LCN12: variants seen among roughly 807,000 people sequenced by gnomAD.
LCN12 encodes epididymal-specific lipocalin-12.
Under a neutral mutation model 23.7 loss-of-function variants are expected in LCN12, and 15 were observed. The ratio of observed to expected loss-of-function variants is 0.63; its 90% CI spans 0.42 to 0.97. LCN12 has a LOEUF of 0.97. Ranked by LOEUF, LCN12 falls within the 50% of genes least tolerant of loss-of-function variation. The pLI, the probability that LCN12 is intolerant of heterozygous loss-of-function variation, is 0.00. For synonymous variants in LCN12, 116 were observed against 111.5 expected, an observed-to-expected ratio of 1.04 and a Z score of -0.25; for missense variants, 219 against 249.6, an observed-to-expected ratio of 0.88 and a Z score of 0.83.
chr9:136,956,522 C>T (rs776456358), downstream of LCN12, among the ~76,000 whole-genome samples: 1 of 152,272 alleles, frequency 6.6e-6, no homozygotes, highest in Non-Finnish European at 1.5e-5. Flanking sequence ...GTGGTGCTTA[C>T]TGCAGCCACA....
intron 5 of LCN12, 197 bp from the exon 6 acceptor site, chr9:136,955,174 T>C: frequency 7.8e-6 from 11 of 1,418,516 alleles, no homozygotes; most frequent in Non-Finnish European, 1.0e-5. Context: ...TGGGAGCCGC[T>C]GTGGGCCACA....
At chr9:136,953,986 G>A (rs775014716) in intron 4 of LCN12, 22 bp downstream of exon 4, 4 of 1,603,512 alleles carry the variant, frequency 2.5e-6, no homozygotes, top group Non-Finnish European at 3.4e-6. Context: ...ACCCCGTCCT[G>A]GGCCCGTGTG....
chr9:136,950,276 G>GT (rs1434762393), upstream of LCN12, among the ~76,000 whole-genome samples: 2 of 152,228 alleles, frequency 1.3e-5, no homozygotes, highest in Non-Finnish European at 2.9e-5. Flanking sequence ...GGGCACAGAG[G>GT]TTAACGGCAG....
At chr9:136,953,551 C>T (rs2131377075) in intron 2 of LCN12, 149 bp from the exon 3 acceptor site, 1 of 602,340 alleles carries the variant, frequency 1.7e-6, no homozygotes, top group Admixed American at 3.1e-5. Flanking sequence ...GCCTGAGCAA[C>T]ATAGTTAGAC....
chr9:136,954,872 C>T (rs1851285511), intron 5 of LCN12: 1 of 1,235,828 alleles, frequency 8.1e-7, no homozygotes, highest in Non-Finnish European at 1.0e-6. Context: ...CCACCGTGCC[C>T]TTCTGATTCC....
rs908108797 is a variant in LCN12 at position 136,952,794 on chromosome 9, G to A, written c.115-98G>A. ...CCCAGCCAGGAGCACTGCTCTGTGA[G>A]GGGTCCAGAAGCTGCCAGGGAGGGC... On this transcript the variant is annotated intron_variant, in intron 1 of 5. Coordinates refer to ENST00000371633, the MANE Select transcript of LCN12 (RefSeq NM_178536.4). 4 of 1,418,332 alleles carry A rather than the reference G, an allele frequency of 2.8e-6. No homozygotes were observed. In the African/African-American group the frequency reaches 5.6e-5, roughly 20 times the overall value. The allele number at this position is 1,418,332 out of a possible 1,614,324, so 87.9% of individuals were successfully genotyped here. A position where few individuals can be genotyped will look rare whatever the true frequency, so the allele number is the denominator to read the frequency against.
In LCN12 at chr9:136,955,409, C is replaced by CA; in HGVS notation, c.*11dup. The CA allele has an allele frequency of 6.2e-7, 1 of 1,612,848 alleles. No individual in the cohort carries two copies. The highest frequency in any genetic ancestry group is 1.1e-5 in the South Asian group (1 of 91,026). On this transcript the variant is annotated 3_prime_UTR_variant, in exon 6 of 6. Coordinates refer to ENST00000371633, the MANE Select transcript of LCN12 (RefSeq NM_178536.4). Reference sequence around the variant, plus strand: ...GGCCAGCGTCTGTTGAAGGATGAAGCAGCTCCTGTCCGGCCCAGCCCTGCC... The same window carrying CA: ...GGCCAGCGTCTGTTGAAGGATGAAGCAAGCTCCTGTCCGGCCCAGCCCTGCC...
chr9:136,955,192 C>G, intron 5 of LCN12, 179 bp from the exon 6 acceptor site: 1 of 1,421,528 alleles, frequency 7.0e-7, no homozygotes, highest in Non-Finnish European at 9.2e-7. Flanking sequence ...ACATCTTCTG[C>G]CCCTTCTCAG....
chr9:136,955,238 G>C, intron 5 of LCN12, 133 bp from the exon 6 acceptor site: 1 of 1,475,266 alleles, frequency 6.8e-7, no homozygotes, highest in Non-Finnish European at 9.0e-7. Flanking sequence ...TAGACCCACT[G>C]CTGGTCCCCT....
chr9:136,955,420 C>T lies in LCN12; in HGVS notation c.*21C>T, dbSNP rs200671977. The T allele has an allele frequency of 1.0e-4, 163 of 1,610,646 alleles. No individual in the cohort carries two copies. The highest frequency in any genetic ancestry group is 1.3e-4 in the Non-Finnish European group (153 of 1,177,690). On this transcript the variant is annotated 3_prime_UTR_variant, in exon 6 of 6. Transcript: ENST00000371633. The stretch of plus-strand genomic sequence containing the variant: ...GTTGAAGGATGAAGCAGCTCCTGTC[C>T]GGCCCAGCCCTGCCTCACAGCTGTG...
intron 1 of LCN12, 87 bp from the exon 2 acceptor site, chr9:136,952,805 G>T: frequency 6.7e-7 from 1 of 1,502,432 alleles, no homozygotes. Flanking sequence ...GGGTCCAGAA[G>T]CTGCCAGGGA....
chr9:136,953,057 G>T (rs905789508), intron 2 of LCN12, 29 bp downstream of exon 2: 4 of 1,611,076 alleles, frequency 2.5e-6, no homozygotes, highest in Non-Finnish European at 3.4e-6. Flanking sequence ...CGTTCCAAGC[G>T]GGTGAGGAGG....
At position 136,953,372 on chromosome 9, in the gene LCN12, GGGCGC is replaced by G. The variant is rs1851217787; in HGVS notation, c.252-325_252-321del. 6.4e-5 allele frequency: 6 copies of G among 93,980 alleles called. 1 individual carries two copies. The highest frequency in any genetic ancestry group is 9.4e-4 in the East Asian group (2 of 2,132). The allele number at this position is 93,980 out of a possible 1,614,324, so 5.8% of individuals were successfully genotyped here. Reference sequence around the variant, plus strand: ...CTGTAATCCTAGCACTTTGGGGGCCGGGCGCGGTCGCGCACACCTGTAATCCTAGC... The same window carrying G: ...CTGTAATCCTAGCACTTTGGGGGCCGGGTCGCGCACACCTGTAATCCTAGC... On this transcript the variant is annotated intron_variant, in intron 2 of 5. Coordinates refer to ENST00000371633, the MANE Select transcript of LCN12 (RefSeq NM_178536.4).
At chr9:136,953,386 ACACCTGTAATCCTAGCACTTTGG>A in intron 2 of LCN12, 1 of 401,570 alleles carries the variant, frequency 2.5e-6, no homozygotes, top group South Asian at 2.7e-5. Flanking sequence ...GCGGTCGCGC[ACACCTGTAATCCTAGCACTTTGG>A]GGGCCGGGCG....
At chr9:136,955,515 C>T (rs1318271329), downstream of LCN12, 2 of 1,168,132 alleles carry the variant, frequency 1.7e-6, no homozygotes, top group East Asian at 5.0e-5. Flanking sequence ...AGTGTGACCA[C>T]TATGACCTTG....
intron 5 of LCN12, 31 bp downstream of exon 5, chr9:136,954,286 C>T (rs1448783140): frequency 6.4e-7 from 1 of 1,552,562 alleles, no homozygotes. Flanking sequence ...GCATGCTGGG[C>T]AGTAGGCACG....
intron 5 of LCN12, 84 bp downstream of exon 5, chr9:136,954,339 C>T (rs1228826030): frequency 7.0e-7 from 1 of 1,427,428 alleles, no homozygotes; most frequent in Non-Finnish European, 9.7e-7. Flanking sequence ...AGGAGCTGGA[C>T]CCAGTGTCTA....
chr9:136,954,969 T>G, intron 5 of LCN12: 2 of 1,295,626 alleles, frequency 1.5e-6, no homozygotes, highest in Non-Finnish European at 2.0e-6. Context: ...TGCCTCCACA[T>G]GCGAACACCC....
Position 136,953,774 on chromosome 9 carries a change from G to A in LCN12, c.326G>A (p.Gly109Asp), listed in dbSNP as rs773436107. The A allele has an allele frequency of 1.8e-5, 29 of 1,605,984 alleles. No individual in the cohort carries two copies. In the African/African-American group the frequency reaches 2.5e-4, roughly 14 times the overall value. The change falls in exon 3 of 6, where the codon GGT (glycine) becomes GAT (aspartate). Residue 109 changes from glycine (G) to aspartate (D), a missense_variant. Coordinates refer to ENST00000371633, the MANE Select transcript of LCN12 (RefSeq NM_178536.4). ...AQPGQFTVDH[G>D]VEPGADREET... ...CCTGGGCAGTTCACTGTGGACCACG[G>A]TGTGGGTAAGCCAGTCACAGGAGGG...
Sources: gnomAD v4.1 joint callset for allele counts (sites outside exome capture counted in the v4.1 genomes callset) on GRCh38, gnomAD v4.1.1 for gene constraint, MANE v1.5 for transcripts, NCBI Gene and HGNC (gene_info 2026-07-23, HGNC 2026-07-21) for gene names.